The following FARP1 variants were observed in gnomAD, a reference collection of about 807,000 sequenced individuals.
FARP1 encodes the protein FERM, ARH/RhoGEF and pleckstrin domain protein 1, also known as FERM, ARHGEF and pleckstrin domain-containing protein 1.
In FARP1, 52 loss-of-function variants were observed where a neutral mutation model predicts 128.8. That is an observed-to-expected ratio of 0.40 (90% CI 0.32 to 0.51). The LOEUF (loss-of-function observed/expected upper bound fraction) is 0.51. FARP1 is among the 20% of genes least tolerant of loss of function. FARP1 has a pLI of 0.45. For synonymous variants in FARP1, 580 were observed against 551.8 expected, an observed-to-expected ratio of 1.05 and a Z score of -0.72; for missense variants, 1,333 against 1,367.9, an observed-to-expected ratio of 0.97 and a Z score of 0.40.
intron 2 of FARP1, chr13:98,244,503 T>C: frequency 3.1e-6 from 5 of 1,614,174 alleles, no homozygotes; most frequent in Non-Finnish European, 4.2e-6. Flanking sequence ...GGTGTCCTCA[T>C]CCTCCTTCCT....
chr13:98,181,738 C>T (rs1878543551), intron 1 of FARP1, among the ~76,000 whole-genome samples: 1 of 151,816 alleles, frequency 6.6e-6, no homozygotes, highest in Non-Finnish European at 1.5e-5. Flanking sequence ...AAGCGATCCT[C>T]CTGCCTTGGC....
rs1753814159 is a variant in FARP1, at chr13:98,440,195, C to T, written c.2589C>T (p.Ser863=). The T allele has an allele frequency of 6.2e-7, 1 of 1,614,026 alleles. No individual in the cohort carries two copies. The highest frequency in any genetic ancestry group is 2.2e-5 in the East Asian group (1 of 44,850). The change falls in exon 23 of 27, where the codon AGC becomes AGT. Residue 863 remains serine (S), a synonymous_variant. Coordinates refer to ENST00000319562, the MANE Select transcript of FARP1 (RefSeq NM_005766.4). ...MAIDLAEKSS[S]PAPEFLASSP... is the part of the protein sequence containing the mutation. ...TTGACCTGGCGGAGAAGAGCAGCAGCCCCGCCCCTGAGTTCCTGGCCAGCA... is the reference window on the plus strand; with the variant it reads ...TTGACCTGGCGGAGAAGAGCAGCAGTCCCGCCCCTGAGTTCCTGGCCAGCA...
At chr13:98,241,445 T>G (rs9513378) in intron 2 of FARP1, among the ~76,000 whole-genome samples, 1 of 151,986 alleles carries the variant, frequency 6.6e-6, no homozygotes, top group Admixed American at 6.5e-5. Context: ...CTCTGCAGGG[T>G]CGTGTCCTGC....
intron 3 of FARP1, among the ~76,000 whole-genome samples, chr13:98,344,269 C>G (rs544613995): frequency 2.0e-5 from 3 of 152,206 alleles, no homozygotes; most frequent in Admixed American, 2.0e-4. Context: ...GGAGATGGTG[C>G]TGGCTAGAAC....
intron 2 of FARP1, among the ~76,000 whole-genome samples, chr13:98,291,531 C>A (rs1450970350): frequency 6.6e-6 from 1 of 152,192 alleles, no homozygotes; most frequent in East Asian, 1.9e-4. Context: ...ATCATTCGTT[C>A]AGCAGAACTT....
intron 3 of FARP1, 35 bp downstream of exon 3, chr13:98,343,901 G>A: frequency 7.2e-7 from 1 of 1,383,898 alleles, no homozygotes; most frequent in Non-Finnish European, 1.0e-6. Flanking sequence ...CTATTTTACT[G>A]TCTGTTCATC....
intron 2 of FARP1, among the ~76,000 whole-genome samples, chr13:98,256,951 A>ATATATG (rs1883632317): frequency 3.2e-5 from 1 of 31,710 alleles, no homozygotes; most frequent in Non-Finnish European, 4.9e-5. Flanking sequence ...ATATGTGGAT[A>ATATATG]TATATATATA....
chr13:98,238,893 G>T (rs1490954839), intron 2 of FARP1, among the ~76,000 whole-genome samples: 2 of 152,124 alleles, frequency 1.3e-5, no homozygotes, highest in African/African-American at 2.4e-5. Context: ...TGTGGAGGGG[G>T]TCTGTGCGCC....
chr13:98,313,232 T>G (rs1594389200), intron 2 of FARP1, among the ~76,000 whole-genome samples: 2 of 105,052 alleles, frequency 1.9e-5, no homozygotes, highest in Admixed American at 1.2e-4. Flanking sequence ...TGGAATCGGG[T>G]GGGTCATAAT....
At chr13:98,195,562 C>G (rs1879520134) in intron 1 of FARP1, among the ~76,000 whole-genome samples, 1 of 152,162 alleles carries the variant, frequency 6.6e-6, no homozygotes, top group South Asian at 2.1e-4. Context: ...GTTGGAGCGC[C>G]TTTCTGATTG....
At chr13:98,327,942 G>A (rs1295095602) in intron 2 of FARP1, among the ~76,000 whole-genome samples, 1 of 152,114 alleles carries the variant, frequency 6.6e-6, no homozygotes, top group Non-Finnish European at 1.5e-5. Flanking sequence ...AAGCTATGGG[G>A]GAGTCATGAA....
At chr13:98,245,716 C>T (rs1883014055) in intron 2 of FARP1, among the ~76,000 whole-genome samples, 2 of 152,120 alleles carry the variant, frequency 1.3e-5, no homozygotes, top group Non-Finnish European at 2.9e-5. Context: ...GTAACAATTT[C>T]GAGCAGCACA....
chr13:98,273,542 T>G (rs1233921478), intron 2 of FARP1, among the ~76,000 whole-genome samples: 2 of 152,208 alleles, frequency 1.3e-5, no homozygotes, highest in Non-Finnish European at 2.9e-5. Context: ...TTTGTTCAGT[T>G]GGTGGAGGGC....
At chr13:98,394,543 T>C (rs1401605298) in intron 12 of FARP1, among the ~76,000 whole-genome samples, 1 of 152,198 alleles carries the variant, frequency 6.6e-6, no homozygotes, top group Non-Finnish European at 1.5e-5. Context: ...GGCTGGCGCC[T>C]GTAATCCCAG....
rs374319034 is a variant in FARP1, at chr13:98,404,943, A to G, written c.1415-4395A>G. 74 of 152,342 alleles carry G rather than the reference A, an allele frequency of 4.9e-4. 1 individual carries two copies. Among genetic ancestry groups the G allele is most frequent in the African/African-American group, 1.7e-3 (70 of 41,582 alleles). The allele number at this position is 152,342 out of a possible 1,614,324, so 9.4% of individuals were successfully genotyped here. On this transcript the variant is annotated intron_variant, in intron 13 of 26. Coordinates refer to ENST00000319562, the MANE Select transcript of FARP1 (RefSeq NM_005766.4). ...AGTTTCCCCCTTTATAGGAAAAAAT[A>G]ATACCTATGTGGTTAAAAACTGAGA...
At chr13:98,210,550 T>A (rs1880620530) in intron 1 of FARP1, among the ~76,000 whole-genome samples, 1 of 100,350 alleles carries the variant, frequency 1.0e-5, no homozygotes, top group Admixed American at 1.3e-4. Flanking sequence ...TTCGTTTTTC[T>A]ATCTTTTCTT....
intron 6 of FARP1, among the ~76,000 whole-genome samples, chr13:98,378,894 T>C (rs1566934196): frequency 9.9e-6 from 1 of 101,132 alleles, no homozygotes; most frequent in Non-Finnish European, 1.8e-5. Context: ...GTGCCAGCAC[T>C]ATATATATAT....
At chr13:98,227,950 G>A (rs1367681835) in intron 2 of FARP1, among the ~76,000 whole-genome samples, 2 of 152,230 alleles carry the variant, frequency 1.3e-5, no homozygotes, top group African/African-American at 4.8e-5. Flanking sequence ...CTGTGGGAAG[G>A]CAGAAATGGG....
chr13:98,185,645 AGT>A (rs1491260669), intron 1 of FARP1, among the ~76,000 whole-genome samples: 2 of 92,338 alleles, frequency 2.2e-5, no homozygotes, highest in East Asian at 3.7e-4. Context: ...TCTGATAATT[AGT>A]TTTTTTTTTT....
Sources: allele counts gnomAD v4.1 joint callset (sites outside exome capture counted in the v4.1 genomes callset), GRCh38; gene constraint gnomAD v4.1.1; transcripts MANE v1.5; gene names NCBI Gene and HGNC (gene_info 2026-07-23, HGNC 2026-07-21).